Variants in FSTL5 observed in about 807,000 individuals in gnomAD.
FSTL5 encodes follistatin-related protein 5.
In FSTL5, 62 loss-of-function variants were observed where a neutral mutation model predicts 89.1. That is an observed-to-expected ratio of 0.70 (90% CI 0.57 to 0.86). FSTL5 has a LOEUF of 0.86. FSTL5 is among the 40% of genes least tolerant of loss of function. The pLI is 0.00. For missense variants in FSTL5, 1,057 were observed against 1,001.6 expected (o/e 1.06, Z -0.75); for synonymous variants, 383 against 346.2 (o/e 1.11, Z -1.18).
intron 3 of FSTL5, among the ~76,000 whole-genome samples, chr4:161,966,098 A>G (rs745654436): frequency 2.0e-4 from 31 of 152,120 alleles, no homozygotes; most frequent in African/African-American, 2.7e-4. Flanking sequence ...CTTGGCTGCA[A>G]TGAAGTCGTA....
Position 161,802,904 on chromosome 4 carries a change from C to G in FSTL5, c.410-26830G>C, listed in dbSNP as rs141949707. ...TGAAAATAATTTCCAAAACAGCAAT[C>G]TACTGTTTTTGAAAAGTAATTTTCT... On this transcript the variant is annotated intron_variant, in intron 4 of 15. Coordinates refer to ENST00000306100, the MANE Select transcript of FSTL5 (RefSeq NM_020116.5). Among the ~76,000 whole-genome samples, 62 of 151,852 alleles carry G rather than the reference C, an allele frequency of 4.1e-4. 1 individual carries two copies. The East Asian group carries it at 0.012, about 28-fold the overall frequency.
chr4:161,636,464 T>G (rs867138620), intron 7 of FSTL5, among the ~76,000 whole-genome samples: 2,151 of 150,166 alleles, frequency 0.014, 40 homozygotes, highest in African/African-American at 0.049. Flanking sequence ...TTTTTTCTTT[T>G]TTTTTTTTTT....
intron 3 of FSTL5, among the ~76,000 whole-genome samples, chr4:161,975,410 A>C (rs1735605632): frequency 6.6e-6 from 1 of 151,890 alleles, no homozygotes; most frequent in Admixed American, 6.6e-5. Context: ...ACACCATGGA[A>C]TACTATGCAG....
At chr4:161,525,776 T>A (rs1265550663) in intron 10 of FSTL5, among the ~76,000 whole-genome samples, 1 of 152,158 alleles carries the variant, frequency 6.6e-6, no homozygotes, top group South Asian at 2.1e-4. Flanking sequence ...TGTATGACAA[T>A]TCCTATTTTT....
intron 6 of FSTL5, among the ~76,000 whole-genome samples, chr4:161,751,949 T>C (rs901043835): frequency 6.6e-6 from 1 of 152,164 alleles, no homozygotes; most frequent in African/African-American, 2.4e-5. Flanking sequence ...TTATAGTAGC[T>C]ATAACATTAT....
At chr4:161,529,026 G>A (rs766431753) in intron 10 of FSTL5, among the ~76,000 whole-genome samples, 1 of 142,934 alleles carries the variant, frequency 7.0e-6, no homozygotes, top group South Asian at 2.4e-4. Flanking sequence ...GAATTAGGAG[G>A]TTCATTAAAG....
chr4:161,769,789 A>T (rs925774788), intron 5 of FSTL5, among the ~76,000 whole-genome samples: 1 of 152,034 alleles, frequency 6.6e-6, no homozygotes, highest in African/African-American at 2.4e-5. Flanking sequence ...GCTTTTCAAA[A>T]TAGTTCTGGA....
intron 6 of FSTL5, among the ~76,000 whole-genome samples, chr4:161,719,887 T>C (rs1739132905): frequency 6.6e-6 from 1 of 152,158 alleles, no homozygotes; most frequent in African/African-American, 2.4e-5. Flanking sequence ...TCTTACACGA[T>C]ACACAAAAAT....
chr4:162,143,165 T>A (rs1456319039), intron 1 of FSTL5, among the ~76,000 whole-genome samples: 4 of 142,018 alleles, frequency 2.8e-5, no homozygotes, highest in Non-Finnish European at 3.2e-5. Flanking sequence ...ACAATACCTC[T>A]ATTTTTTTTC....
At chr4:161,698,901 G>C (rs1738279955) in intron 6 of FSTL5, among the ~76,000 whole-genome samples, 1 of 152,162 alleles carries the variant, frequency 6.6e-6, no homozygotes, top group Non-Finnish European at 1.5e-5. Flanking sequence ...AGTGAGCCGA[G>C]ATCATGCCAC....
chr4:161,680,403 T>G (rs1017809964), intron 6 of FSTL5, among the ~76,000 whole-genome samples: 1 of 151,924 alleles, frequency 6.6e-6, no homozygotes, highest in Non-Finnish European at 1.5e-5. Flanking sequence ...TCCATCTCCC[T>G]ATTCAGCTTT....
chr4:162,134,971 G>A (rs533765214), intron 1 of FSTL5, among the ~76,000 whole-genome samples: 5 of 152,190 alleles, frequency 3.3e-5, no homozygotes, highest in African/African-American at 4.8e-5. Context: ...GCTATTCTAC[G>A]TTTTGAAAGC....
At chr4:161,593,322 A>G (rs1733895359) in intron 7 of FSTL5, among the ~76,000 whole-genome samples, 1 of 152,118 alleles carries the variant, frequency 6.6e-6, no homozygotes, top group Non-Finnish European at 1.5e-5. Flanking sequence ...TCCAAAAAGC[A>G]TATCTTATAT....
At chr4:162,044,493 G>T (rs1021844623) in intron 2 of FSTL5, among the ~76,000 whole-genome samples, 1 of 152,102 alleles carries the variant, frequency 6.6e-6, no homozygotes, top group Non-Finnish European at 1.5e-5. Context: ...GGACCTCAGG[G>T]TTTTCAGAAT....
At chr4:161,933,547 A>C (rs544390079) in intron 3 of FSTL5, among the ~76,000 whole-genome samples, 1 of 152,122 alleles carries the variant, frequency 6.6e-6, no homozygotes, top group South Asian at 2.1e-4. Flanking sequence ...TTGTAGGAGA[A>C]AAACATCTAT....
rs111297374 is a variant in FSTL5, at chr4:161,533,826, A to G, written c.1312+4340T>C. ...ATCCCTGATGAACATAGATGCAAAA[A>G]TCCTCAATAAAGTACTAGCAAACTG... On this transcript the variant is annotated intron_variant, in intron 10 of 15. Coordinates refer to ENST00000306100, the MANE Select transcript of FSTL5 (RefSeq NM_020116.5). 1.7e-3 allele frequency among the ~76,000 whole-genome samples: 259 copies of G among 152,222 alleles called. 1 individual carries two copies. The highest frequency in any genetic ancestry group is 2.9e-3 in the Non-Finnish European group (200 of 67,986).
chr4:161,726,283 G>C lies in FSTL5; in HGVS notation c.727+33128C>G, dbSNP rs562114590. On this transcript the variant is annotated intron_variant, in intron 6 of 15. Transcript: ENST00000306100. ...ACTCTCTTACCCAGGCTGGAGTGCA[G>C]TGGCAAGATCTCGGCTCACTGCTAC... Among the ~76,000 whole-genome samples the C allele has an allele frequency of 3.1e-5, 4 of 130,974 alleles. No homozygotes were observed. In the South Asian group the frequency reaches 9.6e-4, roughly 31 times the overall value. 85.9% of individuals were successfully genotyped at this position (130,974 alleles called of 152,430 possible).
chr4:161,431,334 C>G (rs1732360730), intron 15 of FSTL5, among the ~76,000 whole-genome samples: 1 of 151,820 alleles, frequency 6.6e-6, no homozygotes, highest in Non-Finnish European at 1.5e-5. Flanking sequence ...AAGGCTTTTA[C>G]TAGTTTTCTC....
chr4:161,853,525 C>T (rs537182913), intron 4 of FSTL5, among the ~76,000 whole-genome samples: 1 of 151,716 alleles, frequency 6.6e-6, no homozygotes, highest in Non-Finnish European at 1.5e-5. Context: ...GCCTCGGCCT[C>T]CCTCGGCCTC....
Sources: gnomAD v4.1 joint callset for allele counts (sites outside exome capture counted in the v4.1 genomes callset) on GRCh38, gnomAD v4.1.1 for gene constraint, MANE v1.5 for transcripts, NCBI Gene and HGNC (gene_info 2026-07-23, HGNC 2026-07-21) for gene names.